The following KALRN variants were observed in gnomAD, a reference collection of about 807,000 sequenced individuals.
KALRN encodes kalirin.
A neutral mutation model predicts 353.7 loss-of-function variants in KALRN; 70 were observed. The observed-to-expected ratio is 0.20, with a 90% CI of 0.16 to 0.24. The LOEUF (loss-of-function observed/expected upper bound fraction) is 0.24, where lower values mean the gene tolerates loss of function less well. Among genes scored for constraint, KALRN ranks in the 10% least tolerant of loss-of-function variants. KALRN has a pLI of 1.00. For synonymous variants in KALRN, 1,391 were observed against 1,434.8 expected, an observed-to-expected ratio of 0.97 and a Z score of 0.69; for missense variants, 2,791 against 3,756.7, an observed-to-expected ratio of 0.74 and a Z score of 6.72.
At chr3:124,169,027 A>G (rs2071321932) in intron 1 of KALRN, among the ~76,000 whole-genome samples, 1 of 152,244 alleles carries the variant, frequency 6.6e-6, no homozygotes, top group Non-Finnish European at 1.5e-5. Flanking sequence ...GATTTGAGTC[A>G]CAGGACCTTG....
chr3:124,350,958 A>T (rs2082770414), intron 10 of KALRN, among the ~76,000 whole-genome samples: 1 of 151,878 alleles, frequency 6.6e-6, no homozygotes, highest in African/African-American at 2.4e-5. Flanking sequence ...CTTCATCACC[A>T]CTCTGGGAGA....
At position 124,320,966 on chromosome 3, in the gene KALRN, C is replaced by A. The variant is rs151232352; in HGVS notation, c.1093-5014C>A. On this transcript the variant is annotated intron_variant, in intron 6 of 59. Transcript: ENST00000682506. Reference sequence around the variant, plus strand: ...CTCTCTGTGAAAGACAATGAGACTTCGCTTTTTTTGCCTCTTGTTGGAATC... The same window carrying A: ...CTCTCTGTGAAAGACAATGAGACTTAGCTTTTTTTGCCTCTTGTTGGAATC... Among the ~76,000 whole-genome samples, 6 of 152,164 alleles carry A rather than the reference C, an allele frequency of 3.9e-5. No individual in the cohort carries two copies. The East Asian group carries it at 9.6e-4, about 24-fold the overall frequency.
At chr3:124,495,979 A>G (rs9878027) in intron 32 of KALRN, among the ~76,000 whole-genome samples, 4,313 of 29,736 alleles carry the variant, frequency 0.15, 638 homozygotes, top group Non-Finnish European at 0.17. Context: ...ATATATATAT[A>G]TATATATATA....
At chr3:124,212,834 GT>G (rs1417550016) in intron 1 of KALRN, among the ~76,000 whole-genome samples, 1 of 152,002 alleles carries the variant, frequency 6.6e-6, no homozygotes, top group Non-Finnish European at 1.5e-5. Flanking sequence ...ACATCTCATT[GT>G]TTAGTTTGCA....
At chr3:124,638,002 C>T (rs181591013) in intron 37 of KALRN, among the ~76,000 whole-genome samples, 21 of 152,290 alleles carry the variant, frequency 1.4e-4, no homozygotes, top group Admixed American at 1.2e-3. Flanking sequence ...TGGAGCTGTT[C>T]CTCCACTCTC....
In KALRN at chr3:124,340,752, C is replaced by T. The variant is rs575900934; in HGVS notation, c.1647+6257C>T. On this transcript the variant is annotated intron_variant, in intron 9 of 59. Transcript: ENST00000682506. ...GGTAGATTAGCTGAGGTCAGGAGTT[C>T]AAGACCAGCCTGGCCAACATGGCAA... is the stretch of plus-strand genomic sequence containing the variant. 9.2e-5 allele frequency among the ~76,000 whole-genome samples: 14 copies of T among 152,234 alleles called. No individual in the cohort carries two copies. In the South Asian group the frequency reaches 2.9e-3, roughly 32 times the overall value.
At chr3:124,277,368 T>G (rs1174221346) in intron 5 of KALRN, among the ~76,000 whole-genome samples, 2 of 152,072 alleles carry the variant, frequency 1.3e-5, no homozygotes, top group Non-Finnish European at 2.9e-5. Context: ...ACCAAACCCC[T>G]CCACCTCCTG....
intron 1 of KALRN, among the ~76,000 whole-genome samples, chr3:124,177,280 A>C (rs755560291): frequency 6.6e-6 from 1 of 152,194 alleles, no homozygotes; most frequent in Non-Finnish European, 1.5e-5. Flanking sequence ...GGGCAAGACT[A>C]TTGCTTGGCA....
intron 1 of KALRN, among the ~76,000 whole-genome samples, chr3:124,064,864 G>A (rs2042232498): frequency 6.6e-6 from 1 of 152,172 alleles, no homozygotes; most frequent in Non-Finnish European, 1.5e-5. Context: ...AGGACAAAAT[G>A]TTGACCCCTC....
rs574623103 is a variant in KALRN, at chr3:124,138,933, T to C, written c.74-89057T>C. Among the ~76,000 whole-genome samples, 31 of 152,274 alleles carry C rather than the reference T, an allele frequency of 2.0e-4. 1 individual carries two copies. The South Asian group carries it at 6.2e-3, about 31-fold the overall frequency. On this transcript the variant is annotated intron_variant, in intron 1 of 59. Transcript: ENST00000682506. The stretch of plus-strand genomic sequence containing the variant: ...TTGAGATGGTGTTCTCTGATATTGT[T>C]TACATATGTATGTATCATGGCGCAT...
intron 14 of KALRN, among the ~76,000 whole-genome samples, chr3:124,417,492 T>G (rs2092571320): frequency 6.6e-6 from 1 of 152,352 alleles, no homozygotes; most frequent in South Asian, 2.1e-4. Context: ...CGCGTTAAGT[T>G]CTCTCTTTAT....
chr3:124,114,373 C>T (rs1437752105), intron 1 of KALRN, among the ~76,000 whole-genome samples: 1 of 152,082 alleles, frequency 6.6e-6, no homozygotes, highest in Non-Finnish European at 1.5e-5. Context: ...GGAGAGGAAC[C>T]CTGTGCAAAA....
intron 10 of KALRN, among the ~76,000 whole-genome samples, chr3:124,362,900 A>G (rs1156847279): frequency 6.6e-6 from 1 of 152,240 alleles, no homozygotes; most frequent in Non-Finnish European, 1.5e-5. Context: ...AAAAAAATAC[A>G]GCTAAGAGAA....
intron 33 of KALRN, among the ~76,000 whole-genome samples, chr3:124,527,811 T>C (rs767100063): frequency 5.3e-5 from 8 of 152,122 alleles, no homozygotes; most frequent in Non-Finnish European, 8.8e-5. Context: ...GCCTTTCTGA[T>C]ATGACATCAG....
chr3:124,579,965 C>A (rs13100536), intron 34 of KALRN, among the ~76,000 whole-genome samples: 37,828 of 152,046 alleles, frequency 0.25, 4,866 homozygotes, highest in East Asian at 0.33. Flanking sequence ...ACATGGTCTC[C>A]AAAGGGAGGA....
chr3:124,135,545 G>C (rs936524610), intron 1 of KALRN, among the ~76,000 whole-genome samples: 1 of 152,158 alleles, frequency 6.6e-6, no homozygotes, highest in African/African-American at 2.4e-5. Flanking sequence ...TTAAAAAATA[G>C]GTGTTCTTTG....
intron 25 of KALRN, among the ~76,000 whole-genome samples, chr3:124,472,561 A>ATGTG (rs1561055226): frequency 7.5e-6 from 1 of 133,338 alleles, no homozygotes; most frequent in Admixed American, 7.4e-5. Context: ...TTAAATTAAA[A>ATGTG]TGTGTGTGTG....
chr3:124,056,476 T>C (rs1200394219), intron 1 of KALRN, among the ~76,000 whole-genome samples: 1 of 152,240 alleles, frequency 6.6e-6, no homozygotes, highest in East Asian at 1.9e-4. Context: ...TGTACCTCTC[T>C]GGGCCTGAGT....
chr3:124,445,938 T>G (rs1372208040), intron 19 of KALRN, among the ~76,000 whole-genome samples: 3 of 152,246 alleles, frequency 2.0e-5, no homozygotes, highest in African/African-American at 4.8e-5. Context: ...TTGATGGAAC[T>G]CTCATCAATG....
Sources: gnomAD v4.1 joint callset for allele counts (sites outside exome capture counted in the v4.1 genomes callset) on GRCh38, gnomAD v4.1.1 for gene constraint, MANE v1.5 for transcripts, NCBI Gene and HGNC (gene_info 2026-07-23, HGNC 2026-07-21) for gene names.